ZNF827: variants seen among roughly 807,000 people sequenced by gnomAD.
ZNF827 encodes zinc finger protein 827.
In ZNF827, 13 loss-of-function variants were observed where a neutral mutation model predicts 102.4. That is an observed-to-expected ratio of 0.13 (90% CI 0.08 to 0.20). The LOEUF is 0.20. ZNF827 is among the 10% of genes least tolerant of loss of function. The pLI, the probability that ZNF827 is intolerant of heterozygous loss-of-function variation, is 1.00. For missense variants in ZNF827, 1,103 were observed against 1,344.4 expected, an observed-to-expected ratio of 0.82 and a Z score of 2.81; for synonymous variants, 523 against 536.2, an observed-to-expected ratio of 0.98 and a Z score of 0.34.
At chr4:145,933,469 G>T (rs1753954376) in intron 1 of ZNF827, among the ~76,000 whole-genome samples, 2 of 152,134 alleles carry the variant, frequency 1.3e-5, no homozygotes, top group South Asian at 4.1e-4. Flanking sequence ...GACATAAAAA[G>T]ACTGGTAAAA....
intron 7 of ZNF827, among the ~76,000 whole-genome samples, chr4:145,845,427 T>A (rs1454131742): frequency 6.6e-6 from 1 of 152,234 alleles, no homozygotes; most frequent in East Asian, 1.9e-4. Flanking sequence ...CTTGCAATTT[T>A]TAAAAAGCAT....
chr4:145,818,280 A>G (rs573361981), intron 8 of ZNF827, among the ~76,000 whole-genome samples: 2 of 152,320 alleles, frequency 1.3e-5, no homozygotes, highest in South Asian at 4.1e-4. Flanking sequence ...TGTGCTGTGC[A>G]GTTCTGGGTC....
rs144977836 is a variant in ZNF827, at chr4:145,793,697, C to T, written c.2384-14186G>A. ...AATACTTTGCATCCTTCAATCCAATCAAGTTGACACTCAGTATTAACCATC... is the reference window on the plus strand; with the variant it reads ...AATACTTTGCATCCTTCAATCCAATTAAGTTGACACTCAGTATTAACCATC... On this transcript the variant is annotated intron_variant, in intron 8 of 14. Transcript: ENST00000508784. Among the ~76,000 whole-genome samples the T allele has an allele frequency of 4.5e-3, 682 of 152,236 alleles. 4 individuals carry two copies. Among genetic ancestry groups the T allele is most frequent in the African/African-American group, 0.015 (632 of 41,522 alleles).
intron 7 of ZNF827, among the ~76,000 whole-genome samples, 188 bp downstream of exon 7, chr4:145,845,768 A>G (rs575861537): frequency 1.3e-5 from 2 of 152,380 alleles, no homozygotes; most frequent in South Asian, 4.1e-4. Context: ...AGTACATATT[A>G]GTGGTCTTCC....
At chr4:145,819,822 A>G (rs1742965010) in intron 8 of ZNF827, 2 of 152,198 alleles carry the variant, frequency 1.3e-5, no homozygotes, top group African/African-American at 2.4e-5. Flanking sequence ...CATTCGCAGC[A>G]AGTGAAAATG....
chr4:145,908,785 C>T (rs1328690097), intron 1 of ZNF827, among the ~76,000 whole-genome samples: 1 of 152,180 alleles, frequency 6.6e-6, no homozygotes, highest in African/African-American at 2.4e-5. Flanking sequence ...AGTTTCTAAT[C>T]AACAGAAGAG....
intron 1 of ZNF827, among the ~76,000 whole-genome samples, chr4:145,906,716 G>C (rs1014598340): frequency 6.6e-6 from 1 of 152,110 alleles, no homozygotes; most frequent in Non-Finnish European, 1.5e-5. Flanking sequence ...TTCCTAACTT[G>C]TCAAAACACA....
At chr4:145,779,832 A>G (rs1737697968) in intron 8 of ZNF827, among the ~76,000 whole-genome samples, 1 of 152,248 alleles carries the variant, frequency 6.6e-6, no homozygotes, top group Non-Finnish European at 1.5e-5. Flanking sequence ...AATACTTGTT[A>G]AATGAGTTGC....
intron 6 of ZNF827, among the ~76,000 whole-genome samples, chr4:145,848,633 T>C (rs187975748): frequency 2.0e-5 from 3 of 152,254 alleles, no homozygotes; most frequent in Admixed American, 2.0e-4. Flanking sequence ...TGCAAAAAAA[T>C]AGAAGCATAT....
At chr4:145,883,424 A>G (rs1205083333) in intron 4 of ZNF827, among the ~76,000 whole-genome samples, 2 of 152,228 alleles carry the variant, frequency 1.3e-5, no homozygotes, top group Admixed American at 1.3e-4. Context: ...CACAGATCAC[A>G]ATATAAGGCT....
chr4:145,760,749 CT>C lies in ZNF827; in HGVS notation c.*866del. ...TTTTTTTTTTTTTTGTCTTTTGTCT[CT>C]CTGTTTTTGGTACAGAACATGGCTG... is the stretch of plus-strand genomic sequence containing the variant. On this transcript the variant is annotated 3_prime_UTR_variant, in exon 15 of 15. Coordinates refer to ENST00000508784, the MANE Select transcript of ZNF827 (RefSeq NM_001306215.2). The C allele has an allele frequency of 1.4e-6, 1 of 696,024 alleles. No individual in the cohort carries two copies. The highest frequency in any genetic ancestry group is 2.2e-5 in the African/African-American group (1 of 45,814). 43.1% of individuals were successfully genotyped at this position (696,024 alleles called of 1,614,324 possible). A position where few individuals can be genotyped will look rare whatever the true frequency, so the allele number is the denominator to read the frequency against.
intron 6 of ZNF827, among the ~76,000 whole-genome samples, chr4:145,849,014 C>G (rs990204701): frequency 1.3e-5 from 2 of 152,036 alleles, no homozygotes; most frequent in Non-Finnish European, 2.9e-5. Context: ...TTAATCAGAT[C>G]AACTGCCTAA....
At chr4:145,935,798 G>C (rs1181965688) in intron 1 of ZNF827, among the ~76,000 whole-genome samples, 1 of 152,144 alleles carries the variant, frequency 6.6e-6, no homozygotes, top group Non-Finnish European at 1.5e-5. Flanking sequence ...AATGGAGCCT[G>C]AATTTCCTCT....
At chr4:145,886,744 A>C (rs928254865) in intron 3 of ZNF827, among the ~76,000 whole-genome samples, 2 of 151,620 alleles carry the variant, frequency 1.3e-5, no homozygotes, top group Non-Finnish European at 2.9e-5. Flanking sequence ...AAAAAAAAAC[A>C]AAGTAGGAGA....
At position 145,935,957 on chromosome 4, in the gene ZNF827, T is replaced by C. The variant is rs1579610448; in HGVS notation, c.43+2408A>G. 2.7e-5 allele frequency among the ~76,000 whole-genome samples: 4 copies of C among 148,356 alleles called. 1 individual carries two copies. The Middle Eastern group carries it at 0.01, about 389-fold the overall frequency. ...ATAAATCCCTTCTCCTCTCCCACCC[T>C]CCCTCTAACCCCGCCAACATTTTTT... On this transcript the variant is annotated intron_variant, in intron 1 of 14. Coordinates refer to ENST00000508784, the MANE Select transcript of ZNF827 (RefSeq NM_001306215.2).
intron 9 of ZNF827, 72 bp from the exon 10 acceptor site, chr4:145,776,032 A>C (rs1737034027): frequency 1.3e-6 from 2 of 1,550,934 alleles, no homozygotes; most frequent in Non-Finnish European, 1.8e-6. Flanking sequence ...TGCAAGAATC[A>C]GTTAAAGGTA....
chr4:145,849,685 C>G (rs762791272), intron 5 of ZNF827, 124 bp from the exon 6 acceptor site: 1 of 1,412,960 alleles, frequency 7.1e-7, no homozygotes, highest in East Asian at 2.3e-5. Flanking sequence ...TGAGCGTGCA[C>G]GGCACACTGG....
intron 5 of ZNF827, among the ~76,000 whole-genome samples, chr4:145,860,014 T>C (rs901395861): frequency 6.6e-6 from 1 of 152,228 alleles, no homozygotes; most frequent in African/African-American, 2.4e-5. Context: ...CTGATGAAAC[T>C]GTCTTCCTAC....
At chr4:145,849,598 C>G in intron 5 of ZNF827, 37 bp from the exon 6 acceptor site, 1 of 1,609,934 alleles carries the variant, frequency 6.2e-7, no homozygotes, top group African/African-American at 1.3e-5. Flanking sequence ...AAAAACACCA[C>G]CATTTCTTAA....
Sources: gnomAD v4.1 joint callset for allele counts (sites outside exome capture counted in the v4.1 genomes callset) on GRCh38, gnomAD v4.1.1 for gene constraint, MANE v1.5 for transcripts, NCBI Gene and HGNC (gene_info 2026-07-23, HGNC 2026-07-21) for gene names.